TLL2: variants seen among roughly 807,000 people sequenced by gnomAD.
TLL2 encodes tolloid-like protein 2.
TLL2 carries 106 observed loss-of-function variants against 123.0 expected under a neutral mutation model. The observed-to-expected ratio is 0.86, with a 90% confidence interval of 0.74 to 1.01. The LOEUF (loss-of-function observed/expected upper bound fraction) is 1.01, where lower values mean the gene tolerates loss of function less well. Among genes scored for constraint, TLL2 ranks in the 50% least tolerant of loss-of-function variants. The pLI is 0.00. For synonymous variants in TLL2, 494 were observed against 516.8 expected, an observed-to-expected ratio of 0.96 and a Z score of 0.60; for missense variants, 1,332 against 1,336.7, an observed-to-expected ratio of 1.00 and a Z score of 0.06.
intron 13 of TLL2, among the ~76,000 whole-genome samples, chr10:96,391,242 T>C (rs1178971416): frequency 6.6e-6 from 1 of 152,150 alleles, no homozygotes; most frequent in African/African-American, 2.4e-5. Context: ...GCTCACTAGG[T>C]ATTTACTGAG....
chr10:96,462,845 G>C (rs1847093562), intron 2 of TLL2, among the ~76,000 whole-genome samples: 1 of 152,114 alleles, frequency 6.6e-6, no homozygotes, highest in Non-Finnish European at 1.5e-5. Context: ...ATACTTGGGG[G>C]CCATGTTAAA....
intron 2 of TLL2, among the ~76,000 whole-genome samples, chr10:96,457,633 G>C (rs1007436407): frequency 3.3e-5 from 5 of 152,154 alleles, no homozygotes; most frequent in African/African-American, 9.7e-5. Flanking sequence ...GTTTCTAAGC[G>C]GGGTGCTTTC....
rs761540759 is a variant in TLL2, at chr10:96,373,570, G to A, written c.2662+26C>T. 3.1e-6 allele frequency: 5 copies of A among 1,605,646 alleles called. No homozygotes were observed. The Admixed American group carries it at 8.3e-5, about 27-fold the overall frequency. On this transcript the variant is annotated intron_variant, in intron 19 of 20. Coordinates refer to ENST00000357947, the MANE Select transcript of TLL2 (RefSeq NM_012465.4). ...TCTCCTGTCCAAGTGCTCATCAGGTGGAAGCCAGTGTCCCACCCCAGGTAC... is the reference window on the plus strand; with the variant it reads ...TCTCCTGTCCAAGTGCTCATCAGGTAGAAGCCAGTGTCCCACCCCAGGTAC...
At chr10:96,430,430 A>C (rs1343943634) in intron 4 of TLL2, among the ~76,000 whole-genome samples, 2 of 152,190 alleles carry the variant, frequency 1.3e-5, no homozygotes, top group African/African-American at 4.8e-5. Context: ...GAGCCAAAAC[A>C]AACTTCTTTT....
intron 3 of TLL2, among the ~76,000 whole-genome samples, chr10:96,435,024 C>CTT (rs148764221): frequency 5.5e-5 from 8 of 144,918 alleles, no homozygotes; most frequent in African/African-American, 1.8e-4. Context: ...TATTCATTTC[C>CTT]TTTTTTTTTT....
chr10:96,376,974 C>T (rs1846144354), intron 17 of TLL2, among the ~76,000 whole-genome samples, 155 bp from the exon 18 acceptor site: 1 of 152,234 alleles, frequency 6.6e-6, no homozygotes, highest in African/African-American at 2.4e-5. Flanking sequence ...TATCTCCTGG[C>T]TCAGGGATGT....
chr10:96,443,141 A>G (rs1345720239), intron 3 of TLL2, among the ~76,000 whole-genome samples: 1 of 152,220 alleles, frequency 6.6e-6, no homozygotes, highest in African/African-American at 2.4e-5. Context: ...CAAGGGGGGA[A>G]GGTGGTAGAT....
chr10:96,490,859 T>A (rs1269127173), intron 1 of TLL2, among the ~76,000 whole-genome samples: 1 of 152,158 alleles, frequency 6.6e-6, no homozygotes, highest in Non-Finnish European at 1.5e-5. Context: ...TCAGACCTGC[T>A]CAGTCAAAAT....
intron 3 of TLL2, among the ~76,000 whole-genome samples, chr10:96,433,727 C>G (rs1846767021): frequency 6.6e-6 from 1 of 152,112 alleles, no homozygotes; most frequent in Non-Finnish European, 1.5e-5. Context: ...AGTTTTTATA[C>G]TTTTTCCCCT....
At chr10:96,446,194 A>G (rs1301710890) in intron 2 of TLL2, 26 bp from the exon 3 acceptor site, 1 of 1,610,516 alleles carries the variant, frequency 6.2e-7, no homozygotes, top group Non-Finnish European at 8.5e-7. Flanking sequence ...AGAAAGAGGC[A>G]TGAGGACACA....
chr10:96,379,243 G>T, intron 16 of TLL2, 151 bp from the exon 17 acceptor site: 1 of 1,002,194 alleles, frequency 1.0e-6, no homozygotes. Flanking sequence ...GAGGAGTGAA[G>T]TGGGAAGCAT....
chr10:96,452,527 C>T lies in TLL2; in HGVS notation c.287-6359G>A, dbSNP rs188640444. 7.9e-4 allele frequency among the ~76,000 whole-genome samples: 120 copies of T among 152,280 alleles called. 1 individual carries two copies. Among genetic ancestry groups the T allele is most frequent in the African/African-American group, 2.6e-3 (110 of 41,554 alleles). The stretch of plus-strand genomic sequence containing the variant: ...TTCTTAATTTGCTGGGCCTTTAGGT[C>T]ACATGTAATCTGCACAGCAATCCCG... On this transcript the variant is annotated intron_variant, in intron 2 of 20. Coordinates refer to ENST00000357947, the MANE Select transcript of TLL2 (RefSeq NM_012465.4).
chr10:96,416,023 A>G (rs1846557814), intron 7 of TLL2, among the ~76,000 whole-genome samples: 1 of 151,662 alleles, frequency 6.6e-6, no homozygotes, highest in Non-Finnish European at 1.5e-5. Context: ...CCATAGCCTC[A>G]TTTTTGAGTC....
At chr10:96,414,873 T>C (rs1193893836) in intron 7 of TLL2, among the ~76,000 whole-genome samples, 1 of 152,100 alleles carries the variant, frequency 6.6e-6, no homozygotes, top group Non-Finnish European at 1.5e-5. Flanking sequence ...CCACTCTACC[T>C]TTTTTGCACC....
rs949524040 is a variant in TLL2 at position 96,373,935 on chromosome 10, G to T, written c.2449-126C>A. ...GGAGACGTCCAGCTGGCTGTGCAGG[G>T]GGTGTGTGGCCGTGATGATGCTTGA... On this transcript the variant is annotated intron_variant, in intron 18 of 20. Transcript: ENST00000357947. The T allele has an allele frequency of 1.5e-5, 12 of 775,720 alleles. No individual in the cohort carries two copies. The African/African-American group carries it at 2.1e-4, about 13-fold the overall frequency. The allele number at this position is 775,720 out of a possible 1,614,324, so 48.1% of individuals were successfully genotyped here. A position where few individuals can be genotyped will look rare whatever the true frequency, so the allele number is the denominator to read the frequency against.
chr10:96,478,275 T>G (rs917436475), intron 2 of TLL2, among the ~76,000 whole-genome samples: 2 of 152,190 alleles, frequency 1.3e-5, no homozygotes. Flanking sequence ...TTCTTGATGG[T>G]GGGCCGGCGT....
chr10:96,494,048 C>T (rs1393261125), intron 1 of TLL2, among the ~76,000 whole-genome samples: 4 of 152,326 alleles, frequency 2.6e-5, no homozygotes, highest in South Asian at 4.1e-4. Context: ...AAGGTGAGGA[C>T]TGACCTCAGG....
intron 1 of TLL2, among the ~76,000 whole-genome samples, chr10:96,481,914 C>G (rs905162561): frequency 6.6e-6 from 1 of 152,142 alleles, no homozygotes; most frequent in African/African-American, 2.4e-5. Flanking sequence ...GATGAAAATT[C>G]AGCATTGTAG....
At chr10:96,434,808 T>C (rs958138312) in intron 3 of TLL2, among the ~76,000 whole-genome samples, 7 of 152,182 alleles carry the variant, frequency 4.6e-5, no homozygotes, top group Non-Finnish European at 8.8e-5. Flanking sequence ...TCACCAGAAA[T>C]ACACCAGGGT....
Sources: gnomAD v4.1 joint callset for allele counts (sites outside exome capture counted in the v4.1 genomes callset) on GRCh38, gnomAD v4.1.1 for gene constraint, MANE v1.5 for transcripts, NCBI Gene and HGNC (gene_info 2026-07-23, HGNC 2026-07-21) for gene names.